SGPP1: variants seen among roughly 807,000 people sequenced by gnomAD.
SGPP1 encodes the protein hSPP1.
A neutral mutation model predicts 33.0 loss-of-function variants in SGPP1; 21 were observed. The ratio of observed to expected loss-of-function variants is 0.64; its 90% CI spans 0.45 to 0.92. The LOEUF is 0.92. Ranked by LOEUF, SGPP1 falls within the 40% of genes least tolerant of loss-of-function variation. The probability of loss-of-function intolerance (pLI) is 0.00; values close to 1 mark genes in which losing one functional copy is unlikely to be tolerated. For missense variants in SGPP1, 543 were observed against 589.4 expected (o/e 0.92, Z 0.81); for synonymous variants, 239 against 241.2 (o/e 0.99, Z 0.08).
intron 1 of SGPP1, among the ~76,000 whole-genome samples, chr14:63,716,714 G>A (rs1414150367): frequency 2.0e-5 from 3 of 147,868 alleles, no homozygotes; most frequent in Admixed American, 2.0e-4. Context: ...TTTTTTTTGA[G>A]ATAGAGTCTC....
chr14:63,701,665 G>C (rs1009689151), intron 1 of SGPP1, among the ~76,000 whole-genome samples: 4 of 152,090 alleles, frequency 2.6e-5, no homozygotes, highest in African/African-American at 9.7e-5. Context: ...AGATCAAGTA[G>C]AGCCTGGGAG....
intron 1 of SGPP1, among the ~76,000 whole-genome samples, chr14:63,700,386 T>C (rs747673033): frequency 1.3e-5 from 2 of 152,182 alleles, no homozygotes; most frequent in African/African-American, 2.4e-5. Context: ...CCTCTGATAT[T>C]CCCTATTTCA....
At chr14:63,691,803 G>A (rs1218776261) in intron 2 of SGPP1, among the ~76,000 whole-genome samples, 2 of 152,008 alleles carry the variant, frequency 1.3e-5, no homozygotes, top group Non-Finnish European at 2.9e-5. Context: ...TGCATATTTA[G>A]ACAATGACTA....
At chr14:63,714,561 C>T (rs1028873781) in intron 1 of SGPP1, among the ~76,000 whole-genome samples, 3 of 152,102 alleles carry the variant, frequency 2.0e-5, no homozygotes, top group Non-Finnish European at 1.5e-5. Flanking sequence ...TCTGGGACTA[C>T]AAGTACATAC....
Position 63,685,915 on chromosome 14 carries a change from T to C in SGPP1, c.*190A>G, listed in dbSNP as rs1884962069. The C allele has an allele frequency of 2.5e-6, 1 of 407,410 alleles. No homozygotes were observed. Among genetic ancestry groups the C allele is most frequent in the Non-Finnish European group, 4.3e-6 (1 of 232,136 alleles). The allele number at this position is 407,410 out of a possible 1,614,324, so 25.2% of individuals were successfully genotyped here. On this transcript the variant is annotated 3_prime_UTR_variant, in exon 3 of 3. Coordinates refer to ENST00000247225, the MANE Select transcript of SGPP1 (RefSeq NM_030791.4). ...ACTTATCATTTTCTCAGTAACGAAA[T>C]AGCTCAGCTCACCTAAAACAGTATC...
Position 63,684,979 on chromosome 14 carries a change from A to G in SGPP1, c.*1126T>C, listed in dbSNP as rs1884940013. On this transcript the variant is annotated 3_prime_UTR_variant, in exon 3 of 3. Transcript: ENST00000247225. ...TTATTTAGAAAAATGCTTTGTTTAC[A>G]TATGAAGTATGTGCATTGTCCCATC... The G allele has an allele frequency of 6.6e-6, 1 of 152,150 alleles. No homozygotes were observed. Among genetic ancestry groups the G allele is most frequent in the Non-Finnish European group, 1.5e-5 (1 of 67,906 alleles). The allele number at this position is 152,150 out of a possible 1,614,324, so 9.4% of individuals were successfully genotyped here.
intron 1 of SGPP1, among the ~76,000 whole-genome samples, chr14:63,712,917 CAAAAAAA>C (rs56797705): frequency 1.1e-4 from 7 of 63,788 alleles, no homozygotes; most frequent in African/African-American, 1.9e-4. Context: ...AACTCTGTCT[CAAAAAAA>C]AAAAAAAAAA....
In SGPP1 at chr14:63,684,855, T is replaced by A. The variant is rs1046825754; in HGVS notation, c.*1250A>T. 9.8e-5 allele frequency: 15 copies of A among 152,422 alleles called. No homozygotes were observed. The highest frequency in any genetic ancestry group is 8.5e-4 in the Admixed American group (13 of 15,272). 9.4% of individuals were successfully genotyped at this position (152,422 alleles called of 1,614,324 possible). A position where few individuals can be genotyped will look rare whatever the true frequency, so the allele number is the denominator to read the frequency against. Reference sequence around the variant, plus strand: ...ATAGAAAGTTGAAAAAATAATAGGATCTAAAATACTGATACTAATTTTAGG... The same window carrying A: ...ATAGAAAGTTGAAAAAATAATAGGAACTAAAATACTGATACTAATTTTAGG... On this transcript the variant is annotated 3_prime_UTR_variant, in exon 3 of 3. Transcript: ENST00000247225.
At chr14:63,711,204 G>A (rs1044603034) in intron 1 of SGPP1, among the ~76,000 whole-genome samples, 5 of 151,786 alleles carry the variant, frequency 3.3e-5, no homozygotes, top group African/African-American at 1.2e-4. Flanking sequence ...TAGTAGAGAC[G>A]GGATTTCCAC....
intron 1 of SGPP1, among the ~76,000 whole-genome samples, chr14:63,717,924 G>A (rs1885668653): frequency 6.6e-6 from 1 of 152,136 alleles, no homozygotes; most frequent in African/African-American, 2.4e-5. Flanking sequence ...ATGCAAGCCA[G>A]AAGGCAATGG....
At chr14:63,704,535 T>C (rs1021654594) in intron 1 of SGPP1, among the ~76,000 whole-genome samples, 3 of 152,148 alleles carry the variant, frequency 2.0e-5, no homozygotes, top group Admixed American at 1.3e-4. Context: ...AACTTAAATA[T>C]AGCAGCTAAA....
At chr14:63,723,019 T>C (rs904382644) in intron 1 of SGPP1, among the ~76,000 whole-genome samples, 7 of 151,506 alleles carry the variant, frequency 4.6e-5, no homozygotes, top group African/African-American at 1.7e-4. Context: ...TTAAATAAAG[T>C]ATACAGTTAA....
intron 1 of SGPP1, among the ~76,000 whole-genome samples, chr14:63,706,688 A>G (rs1375547188): frequency 1.3e-5 from 2 of 152,186 alleles, no homozygotes; most frequent in African/African-American, 4.8e-5. Flanking sequence ...TCCTGGCCTC[A>G]AACATGGGCT....
intron 2 of SGPP1, among the ~76,000 whole-genome samples, chr14:63,688,050 G>A (rs1045674404): frequency 2.0e-5 from 3 of 152,084 alleles, no homozygotes; most frequent in Admixed American, 6.6e-5. Flanking sequence ...GCTTGAACCC[G>A]GGAGGCAGAG....
chr14:63,695,012 C>G (rs1194627808), intron 2 of SGPP1, among the ~76,000 whole-genome samples: 3 of 152,044 alleles, frequency 2.0e-5, no homozygotes, highest in Non-Finnish European at 2.9e-5. Flanking sequence ...GACTGAAATT[C>G]AGGTCTCCCA....
At chr14:63,726,186 ATCATAATGGAGTTT>A (rs1479646972) in intron 1 of SGPP1, among the ~76,000 whole-genome samples, 6 of 152,246 alleles carry the variant, frequency 3.9e-5, no homozygotes, top group Non-Finnish European at 7.3e-5. Context: ...AAGTAAGCTT[ATCATAATGGAGTTT>A]TACACAGAAT....
chr14:63,707,648 G>A (rs982294294), intron 1 of SGPP1, among the ~76,000 whole-genome samples: 1 of 151,328 alleles, frequency 6.6e-6, no homozygotes, highest in Non-Finnish European at 1.5e-5. Flanking sequence ...CAATTCTCCT[G>A]CTGGTCAGGC....
rs146153851 is a variant in SGPP1 at position 63,722,756 on chromosome 14, A to G, written c.684+4505T>C. Reference sequence around the variant, plus strand: ...CGAGGTGGGAGGATCACTTGAGCTCAGGAGTTCAAGACCAGCCTAAGCAAC... The same window carrying G: ...CGAGGTGGGAGGATCACTTGAGCTCGGGAGTTCAAGACCAGCCTAAGCAAC... On this transcript the variant is annotated intron_variant, in intron 1 of 2. Transcript: ENST00000247225. Among the ~76,000 whole-genome samples, 1,123 of 151,664 alleles carry G rather than the reference A, an allele frequency of 7.4e-3. 14 individuals carry two copies. The highest frequency in any genetic ancestry group is 0.031 in the South Asian group (149 of 4,802).
intron 1 of SGPP1, among the ~76,000 whole-genome samples, chr14:63,703,409 CTTTGGGAAG>C (rs1885341751): frequency 4.6e-5 from 7 of 152,042 alleles, no homozygotes; most frequent in Admixed American, 3.9e-4. Flanking sequence ...AATCCCAGCA[CTTTGGGAAG>C]CTGAGGTGGG....
Sources: gnomAD v4.1 joint callset for allele counts (sites outside exome capture counted in the v4.1 genomes callset) on GRCh38, gnomAD v4.1.1 for gene constraint, MANE v1.5 for transcripts, NCBI Gene and HGNC (gene_info 2026-07-23, HGNC 2026-07-21) for gene names.